The following GRM5 variants were observed in gnomAD, a reference collection of about 807,000 sequenced individuals.
GRM5 encodes glutamate metabotropic receptor 5.
In GRM5, 19 loss-of-function variants were observed where a neutral mutation model predicts 83.1. The ratio of observed to expected loss-of-function variants is 0.23; its 90% confidence interval spans 0.16 to 0.34. The LOEUF is 0.34. GRM5 is among the 10% of genes least tolerant of loss of function. The probability of loss-of-function intolerance (pLI) is 1.00; values close to 1 mark genes in which losing one functional copy is unlikely to be tolerated. For synonymous variants in GRM5, 675 were observed against 633.6 expected (o/e 1.07, Z -0.98); for missense variants, 1,160 against 1,588.3 (o/e 0.73, Z 4.58).
intron 2 of GRM5, among the ~76,000 whole-genome samples, chr11:88,941,314 C>A (rs1938081335): frequency 6.7e-6 from 1 of 150,356 alleles, no homozygotes; most frequent in African/African-American, 2.5e-5. Context: ...CAAAAATAAT[C>A]ATGAAACTAA....
chr11:88,733,415 A>G (rs1941847300), intron 3 of GRM5, among the ~76,000 whole-genome samples: 1 of 152,056 alleles, frequency 6.6e-6, no homozygotes, highest in African/African-American at 2.4e-5. Context: ...TATGAGACTC[A>G]GTGAAATCAA....
At chr11:88,937,170 G>A (rs1937927851) in intron 2 of GRM5, among the ~76,000 whole-genome samples, 1 of 151,638 alleles carries the variant, frequency 6.6e-6, no homozygotes, top group African/African-American at 2.4e-5. Flanking sequence ...TGAGCTCAGA[G>A]GGACCAACTG....
intron 8 of GRM5, among the ~76,000 whole-genome samples, chr11:88,550,540 G>A (rs975876190): frequency 3.3e-5 from 5 of 152,168 alleles, no homozygotes; most frequent in African/African-American, 1.2e-4. Flanking sequence ...TGTGCTTCTT[G>A]TGTACATTTG....
chr11:88,737,463 T>A (rs1941940150), intron 3 of GRM5, among the ~76,000 whole-genome samples: 1 of 152,116 alleles, frequency 6.6e-6, no homozygotes, highest in South Asian at 2.1e-4. Flanking sequence ...ACATCTTTTA[T>A]GGGCTAAGTT....
At chr11:88,547,132 A>T (rs1294312408) in intron 8 of GRM5, among the ~76,000 whole-genome samples, 1 of 152,218 alleles carries the variant, frequency 6.6e-6, no homozygotes, top group African/African-American at 2.4e-5. Flanking sequence ...AAAATTAAAC[A>T]TGATTGCATT....
At chr11:88,715,079 A>C (rs1389825576) in intron 3 of GRM5, among the ~76,000 whole-genome samples, 1 of 152,044 alleles carries the variant, frequency 6.6e-6, no homozygotes, top group Non-Finnish European at 1.5e-5. Flanking sequence ...TTGTATGTAT[A>C]TTTCGCCTTC....
Position 88,567,277 on chromosome 11 carries a change from C to T in GRM5, c.2406G>A (p.Met802Ile). The T allele has an allele frequency of 6.2e-7, 1 of 1,613,988 alleles. No homozygotes were observed. The highest frequency in any genetic ancestry group is 8.5e-7 in the Non-Finnish European group (1 of 1,179,870). The change falls in exon 8 of 10, where the codon ATG (methionine) becomes ATA (isoleucine). Residue 802 changes from methionine (M) to isoleucine (I), a missense_variant. Transcript: ENST00000305447. This position sits in a 1 kb window ranked among gnomAD's most constrained non-coding sequence, Gnocchi z 7.3. ...TGGCACTGAGGCTGACCGAGAAACACATGGTGATGATTTTGTAGTTGCTGC... is the reference window on the plus strand; with the variant it reads ...TGGCACTGAGGCTGACCGAGAAACATATGGTGATGATTTTGTAGTTGCTGC... ...YFGSNYKIIT[M>I]CFSVSLSATV...
At chr11:88,949,146 T>C (rs1938375137) in intron 2 of GRM5, among the ~76,000 whole-genome samples, 1 of 152,236 alleles carries the variant, frequency 6.6e-6, no homozygotes, top group South Asian at 2.1e-4. Flanking sequence ...AGAGTAGGAT[T>C]ATGTAATAAA....
rs557450588 is a variant in GRM5, at chr11:88,973,250, T to C, written c.661+73962A>G. On this transcript the variant is annotated intron_variant, in intron 2 of 9. Coordinates refer to ENST00000305447, the MANE Select transcript of GRM5 (RefSeq NM_001143831.3). ...AAAATGTTCTTGTGCATAGGAAATA[T>C]ATATTGTAGAATTAAGAGGTATGGT... 2.6e-5 allele frequency among the ~76,000 whole-genome samples: 4 copies of C among 152,266 alleles called. No homozygotes were observed. The South Asian group carries it at 8.3e-4, about 32-fold the overall frequency.
At chr11:89,011,358 T>A (rs1365040611) in intron 2 of GRM5, among the ~76,000 whole-genome samples, 1 of 152,188 alleles carries the variant, frequency 6.6e-6, no homozygotes, top group African/African-American at 2.4e-5. Flanking sequence ...AACAAATAGG[T>A]CTATTCATCA....
intron 3 of GRM5, among the ~76,000 whole-genome samples, chr11:88,708,981 C>T (rs970441345): frequency 1.3e-5 from 2 of 152,018 alleles, no homozygotes; most frequent in Non-Finnish European, 2.9e-5. Context: ...AATTATAATA[C>T]CATATTTAAT....
intron 3 of GRM5, among the ~76,000 whole-genome samples, chr11:88,834,206 C>G (rs974006135): frequency 1.3e-5 from 2 of 151,922 alleles, no homozygotes; most frequent in Non-Finnish European, 2.9e-5. Flanking sequence ...CTCATTCTGA[C>G]TGTAAAAAAA....
At chr11:88,829,482 C>T (rs892292640) in intron 3 of GRM5, among the ~76,000 whole-genome samples, 6 of 151,990 alleles carry the variant, frequency 3.9e-5, no homozygotes, top group Non-Finnish European at 8.8e-5. Flanking sequence ...AACAAACATC[C>T]ACCTACTATG....
At chr11:88,735,363 G>C (rs1223783964) in intron 3 of GRM5, among the ~76,000 whole-genome samples, 1 of 151,984 alleles carries the variant, frequency 6.6e-6, no homozygotes, top group Non-Finnish European at 1.5e-5. Flanking sequence ...GAGTTTTCAG[G>C]ATAAACGTTT....
chr11:88,979,627 T>A (rs1256742122), intron 2 of GRM5, among the ~76,000 whole-genome samples: 1 of 152,198 alleles, frequency 6.6e-6, no homozygotes. Flanking sequence ...AGAAAAGCCT[T>A]CAGCTTTGCC....
intron 3 of GRM5, among the ~76,000 whole-genome samples, chr11:88,691,746 A>C (rs1025671361): frequency 2.0e-5 from 3 of 152,208 alleles, no homozygotes; most frequent in Admixed American, 6.5e-5. Context: ...TACACGCCCC[A>C]AAACCAGGCA....
At chr11:88,999,289 G>T (rs557252873) in intron 2 of GRM5, among the ~76,000 whole-genome samples, 1 of 152,178 alleles carries the variant, frequency 6.6e-6, no homozygotes, top group Non-Finnish European at 1.5e-5. Flanking sequence ...ACTACCATCA[G>T]AGTGAACAGG....
chr11:89,017,313 C>G (rs1300341866), intron 2 of GRM5, among the ~76,000 whole-genome samples: 1 of 152,054 alleles, frequency 6.6e-6, no homozygotes, highest in African/African-American at 2.4e-5. Context: ...CTAGTTTATG[C>G]CCTACAAAAT....
At chr11:88,670,603 T>C (rs1157988653) in intron 3 of GRM5, among the ~76,000 whole-genome samples, 1 of 151,936 alleles carries the variant, frequency 6.6e-6, no homozygotes, top group Non-Finnish European at 1.5e-5. Flanking sequence ...TATAATTTAA[T>C]ATAAAAATAG....
Sources: gnomAD v4.1 joint callset for allele counts (sites outside exome capture counted in the v4.1 genomes callset) on GRCh38, gnomAD v4.1.1 for gene constraint, Gnocchi (gnomAD v3.1) non-coding constraint, MANE v1.5 for transcripts, NCBI Gene and HGNC (gene_info 2026-07-23, HGNC 2026-07-21) for gene names.